The following CCDC149 variants were observed in gnomAD, a reference collection of about 807,000 sequenced individuals.
The protein encoded by CCDC149 is coiled-coil domain containing 149.
In CCDC149, 45 loss-of-function variants were observed where a neutral mutation model predicts 59.9. The ratio of observed to expected loss-of-function variants is 0.75; its 90% CI spans 0.59 to 0.96. CCDC149 has a LOEUF of 0.96. CCDC149 is among the 40% of genes least tolerant of loss of function. The probability of loss-of-function intolerance (pLI) is 0.00; values close to 1 mark genes in which losing one functional copy is unlikely to be tolerated. For synonymous variants in CCDC149, 245 were observed against 260.6 expected, an observed-to-expected ratio of 0.94 and a Z score of 0.58; for missense variants, 584 against 664.7, an observed-to-expected ratio of 0.88 and a Z score of 1.33.
chr4:24,962,303 A>G (rs1234624650), intron 1 of CCDC149, among the ~76,000 whole-genome samples: 1 of 152,072 alleles, frequency 6.6e-6, no homozygotes, highest in Admixed American at 6.5e-5. Context: ...TTAAAACGTC[A>G]GGAAACAACA....
intron 1 of CCDC149, among the ~76,000 whole-genome samples, chr4:24,923,261 A>C (rs1577487312): frequency 6.6e-6 from 1 of 152,228 alleles, no homozygotes; most frequent in East Asian, 1.9e-4. Flanking sequence ...AACCTTGGTC[A>C]GCTATCTTAC....
At chr4:24,868,715 C>T (rs16876269) in intron 3 of CCDC149, among the ~76,000 whole-genome samples, 23,279 of 152,004 alleles carry the variant, frequency 0.15, 2,011 homozygotes, top group Admixed American at 0.22. Context: ...AATGCAAGTT[C>T]CAAGCTCAGG....
chr4:24,963,183 T>A (rs907311428), intron 1 of CCDC149, among the ~76,000 whole-genome samples: 5 of 151,962 alleles, frequency 3.3e-5, no homozygotes, highest in African/African-American at 1.2e-4. Context: ...CTGGGTGGTG[T>A]TAGCAAGGCC....
intron 3 of CCDC149, among the ~76,000 whole-genome samples, chr4:24,870,767 C>T (rs1001868581): frequency 6.6e-6 from 1 of 152,068 alleles, no homozygotes; most frequent in Non-Finnish European, 1.5e-5. Context: ...TGCTTATAAC[C>T]TCCAAAACCT....
chr4:24,889,139 G>A (rs995264945), intron 1 of CCDC149, among the ~76,000 whole-genome samples: 2 of 152,090 alleles, frequency 1.3e-5, no homozygotes, highest in African/African-American at 2.4e-5. Flanking sequence ...TTTGAATAAC[G>A]AAGGTTTGCC....
chr4:24,953,027 T>G (rs1723360988), intron 1 of CCDC149, among the ~76,000 whole-genome samples: 2 of 152,256 alleles, frequency 1.3e-5, no homozygotes, highest in South Asian at 4.1e-4. Flanking sequence ...CTGACAATAC[T>G]GGGCTGCTCT....
chr4:24,916,212 C>T (rs544626855), upstream of CCDC149, among the ~76,000 whole-genome samples: 1 of 152,282 alleles, frequency 6.6e-6, no homozygotes, highest in East Asian at 1.9e-4. Flanking sequence ...ATATTCATAG[C>T]CCCGGGACCA....
At chr4:24,942,928 C>T (rs919773636) in intron 1 of CCDC149, among the ~76,000 whole-genome samples, 8 of 151,920 alleles carry the variant, frequency 5.3e-5, no homozygotes, top group Admixed American at 4.6e-4. Context: ...ACATTCCATG[C>T]TCATGGGTAG....
At chr4:24,962,928 G>A (rs1222411815) in intron 1 of CCDC149, among the ~76,000 whole-genome samples, 1 of 148,242 alleles carries the variant, frequency 6.7e-6, no homozygotes, top group African/African-American at 2.5e-5. Context: ...TTTGTAAAGT[G>A]AAAAAAAAGA....
At chr4:24,935,311 A>T (rs1722706341) in intron 1 of CCDC149, among the ~76,000 whole-genome samples, 1 of 152,246 alleles carries the variant, frequency 6.6e-6, no homozygotes, top group Non-Finnish European at 1.5e-5. Context: ...AATGGAAAAG[A>T]CACAAGAAGA....
intron 11 of CCDC149, 105 bp from the exon 12 acceptor site, chr4:24,820,080 T>G (rs138956549): frequency 1.3e-6 from 1 of 758,488 alleles, no homozygotes; most frequent in Non-Finnish European, 2.2e-6. Flanking sequence ...CCACAGACAC[T>G]ACCATTGAAG....
At chr4:24,860,332 A>G (rs1213343363) in intron 3 of CCDC149, among the ~76,000 whole-genome samples, 4 of 152,214 alleles carry the variant, frequency 2.6e-5, no homozygotes, top group East Asian at 3.8e-4. Flanking sequence ...AAACAAAAAC[A>G]TAAGGTACGG....
intron 3 of CCDC149, among the ~76,000 whole-genome samples, chr4:24,870,977 A>G (rs1719004275): frequency 6.6e-6 from 1 of 150,378 alleles, no homozygotes. Context: ...CCCAGGAGGC[A>G]CAGCTTGCAG....
At chr4:24,890,311 C>T (rs1047011853) in intron 1 of CCDC149, among the ~76,000 whole-genome samples, 28 of 152,182 alleles carry the variant, frequency 1.8e-4, no homozygotes, top group African/African-American at 6.3e-4. Context: ...ATGTAAACAT[C>T]ATTACCCCCC....
At chr4:24,950,347 A>T (rs1007821598) in intron 1 of CCDC149, among the ~76,000 whole-genome samples, 4 of 152,224 alleles carry the variant, frequency 2.6e-5, no homozygotes, top group African/African-American at 4.8e-5. Flanking sequence ...GGGTTGTGAA[A>T]ATGTATTTAA....
At chr4:24,873,953 A>G (rs1378186608) in intron 2 of CCDC149, among the ~76,000 whole-genome samples, 1 of 150,470 alleles carries the variant, frequency 6.6e-6, no homozygotes, top group South Asian at 2.1e-4. Context: ...CCAAATCTAT[A>G]TATTTCCTAA....
chr4:24,873,349 C>G (rs901998275), intron 3 of CCDC149, among the ~76,000 whole-genome samples: 1 of 152,230 alleles, frequency 6.6e-6, no homozygotes, highest in African/African-American at 2.4e-5. Context: ...ACAGTATGCA[C>G]CCAACAAATG....
At position 24,851,008 on chromosome 4, in the gene CCDC149, T is replaced by A. The variant is rs151018172; in HGVS notation, c.372+2064A>T. 2.0e-3 allele frequency among the ~76,000 whole-genome samples: 301 copies of A among 151,748 alleles called. 3 individuals carry two copies. Among genetic ancestry groups the A allele is most frequent in the African/African-American group, 6.6e-3 (274 of 41,306 alleles). On this transcript the variant is annotated intron_variant, in intron 4 of 12. Transcript: ENST00000635206. ...GAGGCCAGATACTGAAATGGGGAGG[T>A]TTGCTGAACAATAGAACATCTTCCC...
intron 4 of CCDC149, 148 bp downstream of exon 4, chr4:24,852,924 C>T (rs186214190): frequency 7.2e-5 from 44 of 613,876 alleles, no homozygotes; most frequent in African/African-American, 2.6e-4. Context: ...AGGTAAGATA[C>T]GCTAAACTGC....
Sources: allele counts gnomAD v4.1 joint callset (sites outside exome capture counted in the v4.1 genomes callset), GRCh38; gene constraint gnomAD v4.1.1; transcripts MANE v1.5; gene names NCBI Gene and HGNC (gene_info 2026-07-23, HGNC 2026-07-21).